The following SPEN variants were observed in gnomAD, a reference collection of about 807,000 sequenced individuals.
The protein encoded by SPEN is msx2-interacting protein.
A neutral mutation model predicts 269.9 loss-of-function variants in SPEN; 18 were observed. The ratio of observed to expected loss-of-function variants is 0.07; its 90% CI spans 0.05 to 0.10. The LOEUF (loss-of-function observed/expected upper bound fraction) is 0.10, where lower values mean the gene tolerates loss of function less well. Among genes scored for constraint, SPEN ranks in the 10% least tolerant of loss-of-function variants. The pLI is 1.00. For missense variants in SPEN, 3,822 were observed against 4,631.2 expected, an observed-to-expected ratio of 0.83 and a Z score of 5.07; for synonymous variants, 1,726 against 1,765.7, an observed-to-expected ratio of 0.98 and a Z score of 0.56.
chr1:15,931,377 G>T lies in SPEN; in HGVS notation c.5137G>T (p.Ala1713Ser), dbSNP rs565536353. Residue 1713 changes from alanine to serine, a missense_variant, in exon 11 of 15, where the codon GCC becomes TCC. Physicochemically the swap from Ala to Ser is moderately conservative, Grantham distance 99. Coordinates refer to ENST00000375759, the MANE Select transcript of SPEN (RefSeq NM_015001.3). The surrounding 1 kb of genome is among the most constrained non-coding windows in gnomAD (Gnocchi z 4.8). ...PPGADPDKEA[A>S]MMPAGVEEGS... ...AGGAGCAGACCCCGATAAAGAAGCT[G>T]CCATGATGCCTGCGGGTGTTGAGGA... 1 of 1,614,180 alleles carries T rather than the reference G, an allele frequency of 6.2e-7. No homozygotes were observed. The highest frequency in any genetic ancestry group is 1.1e-5 in the South Asian group (1 of 91,076).
At chr1:15,860,930 A>G (rs893322685) in intron 1 of SPEN, among the ~76,000 whole-genome samples, 38 of 149,204 alleles carry the variant, frequency 2.5e-4, no homozygotes, top group Admixed American at 1.1e-3. Flanking sequence ...TTTCTGAGAC[A>G]GTCTTACTCT....
chr1:15,850,099 C>CT (rs1203474150), intron 1 of SPEN, among the ~76,000 whole-genome samples: 2 of 152,070 alleles, frequency 1.3e-5, no homozygotes, highest in Non-Finnish European at 2.9e-5. Context: ...GACGGTGCTG[C>CT]GGTCTGGCTT....
In SPEN at chr1:15,872,948, A is replaced by G. The variant is rs762040993; in HGVS notation, c.216A>G (p.Arg72=). 1.2e-6 allele frequency: 2 copies of G among 1,611,162 alleles called. No homozygotes were observed. Among genetic ancestry groups the G allele is most frequent in the East Asian group, 4.5e-5 (2 of 44,824 alleles). Residue 72 remains arginine, a synonymous_variant, in exon 2 of 15, where the codon AGA becomes AGG. Transcript: ENST00000375759. ...ACTCGGTCAACAAAATGGGTGACAG[A>G]GACCTACGCACGGATTATAATGAAC... ...AHNSVNKMGD[R]DLRTDYNEPG... is the part of the protein sequence containing the mutation.
At position 15,876,217 on chromosome 1, in the gene SPEN, G is replaced by C; in HGVS notation, c.420G>C (p.Arg140Ser). Reference protein sequence around the residue: ...ERRLDGASDNRERAYEHSAYG... With the variant: ...ERRLDGASDNSERAYEHSAYG... Reference sequence around the variant, plus strand: ...CTAAATGCAGGGCTTCAGATAACAGGGAGCGTGCTTATGAACATAGTGCCT... The same window carrying C: ...CTAAATGCAGGGCTTCAGATAACAGCGAGCGTGCTTATGAACATAGTGCCT... Residue 140 changes from arginine (R) to serine (S), a missense_variant, in exon 3 of 15, where the codon AGG becomes AGC. By Grantham distance (110) the Arg-to-Ser change is moderately radical (BLOSUM62 -1). Coordinates refer to ENST00000375759, the MANE Select transcript of SPEN (RefSeq NM_015001.3). 1 of 1,611,446 alleles carries C rather than the reference G, an allele frequency of 6.2e-7. No individual in the cohort carries two copies. The highest frequency in any genetic ancestry group is 1.3e-5 in the African/African-American group (1 of 74,958).
intron 1 of SPEN, among the ~76,000 whole-genome samples, chr1:15,863,043 G>A (rs968891853): frequency 6.6e-6 from 1 of 152,092 alleles, no homozygotes; most frequent in African/African-American, 2.4e-5. Flanking sequence ...TTACAGGTGT[G>A]AGCCACCGCT....
intron 3 of SPEN, among the ~76,000 whole-genome samples, chr1:15,908,700 C>G (rs921109627): frequency 6.6e-6 from 1 of 152,186 alleles, no homozygotes; most frequent in Non-Finnish European, 1.5e-5. Context: ...AGGCGTGAGC[C>G]ACTGAGCCCC....
intron 1 of SPEN, among the ~76,000 whole-genome samples, chr1:15,861,222 C>T (rs1173836806): frequency 6.6e-6 from 1 of 150,796 alleles, no homozygotes; most frequent in Admixed American, 6.6e-5. Flanking sequence ...CATTCCACCT[C>T]CCGGGTTCAA....
rs760765413 is a variant in SPEN at position 15,930,506 on chromosome 1, C to T, written c.4266C>T (p.Leu1422=). ...EDKLRERDER[L]SSSLERNKFY... is the part of the protein sequence containing the mutation. Reference sequence around the variant, plus strand: ...AGCTACGTGAGCGAGATGAAAGACTCTCTAGTTCTTTAGAAAGGAACAAAT... The same window carrying T: ...AGCTACGTGAGCGAGATGAAAGACTTTCTAGTTCTTTAGAAAGGAACAAAT... The change falls in exon 11 of 15, where the codon CTC becomes CTT. Residue 1422 remains leucine, a synonymous_variant. Transcript: ENST00000375759. The surrounding 1 kb of genome is among the most constrained non-coding windows in gnomAD (Gnocchi z 5.3). The T allele has an allele frequency of 1.9e-6, 3 of 1,614,022 alleles. No homozygotes were observed. The African/African-American group carries it at 4.0e-5, about 22-fold the overall frequency.
chr1:15,864,708 C>G (rs925889668), intron 1 of SPEN, among the ~76,000 whole-genome samples: 1 of 148,800 alleles, frequency 6.7e-6, no homozygotes, highest in African/African-American at 2.5e-5. Flanking sequence ...CTACTGGGCT[C>G]GAGCTCCCGT....
At chr1:15,853,869 A>G (rs899818350) in intron 1 of SPEN, among the ~76,000 whole-genome samples, 2 of 151,306 alleles carry the variant, frequency 1.3e-5, no homozygotes, top group African/African-American at 2.4e-5. Context: ...GGGTTTCACT[A>G]TGTCGGCCAG....
intron 1 of SPEN, among the ~76,000 whole-genome samples, chr1:15,855,962 A>G (rs1400619489): frequency 6.8e-6 from 1 of 147,964 alleles, no homozygotes. Context: ...GTAATTTATT[A>G]CTTTATTGTG....
intron 1 of SPEN, among the ~76,000 whole-genome samples, chr1:15,851,951 C>G (rs2070340631): frequency 6.6e-6 from 1 of 151,940 alleles, no homozygotes; most frequent in Non-Finnish European, 1.5e-5. Context: ...CCACTGCACT[C>G]TAGCCTGGGG....
chr1:15,939,408 T>C lies in SPEN; in HGVS notation c.10976T>C (p.Ile3659Thr). Residue 3659 changes from isoleucine (I) to threonine (T), a missense_variant, in exon 15 of 15, where the codon ATT (isoleucine) becomes ACT (threonine). Coordinates refer to ENST00000375759, the MANE Select transcript of SPEN (RefSeq NM_015001.3). The surrounding 1 kb of genome is among the most constrained non-coding windows in gnomAD (Gnocchi z 4.1). ...SISNISPHLMIVIASV is the reference protein window; with the variant it reads ...SISNISPHLMTVIASV Reference sequence around the variant, plus strand: ...TCCAACATCTCTCCCCACCTCATGATTGTCATTGCCTCCGTGTGAGCCACT... The same window carrying C: ...TCCAACATCTCTCCCCACCTCATGACTGTCATTGCCTCCGTGTGAGCCACT... The C allele has an allele frequency of 6.2e-7, 1 of 1,601,858 alleles. No individual in the cohort carries two copies. Among genetic ancestry groups the C allele is most frequent in the Non-Finnish European group, 8.5e-7 (1 of 1,174,176 alleles).
Position 15,928,252 on chromosome 1 carries a change from C to T in SPEN, c.2012C>T (p.Ser671Leu), listed in dbSNP as rs1166673166. The part of the protein sequence containing the change: ...WETYQGDYYE[S>L]RYYDDPREYR... ...ACTTACCAAGGAGACTACTATGAATCACGATACTACGATGATCCTCGGGAA... is the reference window on the plus strand; with the variant it reads ...ACTTACCAAGGAGACTACTATGAATTACGATACTACGATGATCCTCGGGAA... The change falls in exon 11 of 15, where the codon TCA (serine) becomes TTA (leucine). Residue 671 changes from serine to leucine, a missense_variant. Coordinates refer to ENST00000375759, the MANE Select transcript of SPEN (RefSeq NM_015001.3). This position sits in a 1 kb window ranked among gnomAD's most constrained non-coding sequence, Gnocchi z 5.7. 6.2e-7 allele frequency: 1 copy of T among 1,614,088 alleles called. No homozygotes were observed. The highest frequency in any genetic ancestry group is 1.7e-5 in the Admixed American group (1 of 60,018).
At position 15,937,693 on chromosome 1, in the gene SPEN, A is replaced by G. The variant is rs749485852; in HGVS notation, c.10509+48A>G. 1.0e-4 allele frequency: 168 copies of G among 1,606,128 alleles called. No homozygotes were observed. Among genetic ancestry groups the G allele is most frequent in the Non-Finnish European group, 1.4e-4 (163 of 1,174,774 alleles). On this transcript the variant is annotated intron_variant, in intron 12 of 14. Transcript: ENST00000375759. The surrounding 1 kb of genome is among the most constrained non-coding windows in gnomAD (Gnocchi z 5.7). ...CTTCCTGGCCCCCAAGTTTTATGCC[A>G]TGTCAAATGTCCTAAGATTCCCTAG...
At chr1:15,917,192 T>G (rs918480723) in intron 6 of SPEN, among the ~76,000 whole-genome samples, 35 of 152,180 alleles carry the variant, frequency 2.3e-4, no homozygotes, top group Admixed American at 2.6e-4. Context: ...CAGAAATACC[T>G]TGGGGATTAC....
intron 3 of SPEN, among the ~76,000 whole-genome samples, chr1:15,901,301 T>C (rs925817704): frequency 6.8e-6 from 1 of 147,642 alleles, no homozygotes; most frequent in African/African-American, 2.5e-5. Context: ...AGCGAAAGAG[T>C]AGAGACTCTG....
At chr1:15,858,812 C>T (rs147103377) in intron 1 of SPEN, among the ~76,000 whole-genome samples, 5 of 152,164 alleles carry the variant, frequency 3.3e-5, no homozygotes, top group South Asian at 4.2e-4. Flanking sequence ...GGCACGATGG[C>T]GCACACCAGT....
In SPEN at chr1:15,922,232, T is replaced by C. The variant is rs1460499870; in HGVS notation, c.1750-17T>C. On this transcript the variant is annotated splice_polypyrimidine_tract_variant and intron_variant, in intron 9 of 14. Coordinates refer to ENST00000375759, the MANE Select transcript of SPEN (RefSeq NM_015001.3). ...AAATTTGAAACTTGCATCAAACACC[T>C]CTTTTTTTTTTTAAAGGTGGATTTT... is the stretch of plus-strand genomic sequence containing the variant. The C allele has an allele frequency of 2.0e-6, 3 of 1,515,664 alleles. No homozygotes were observed. The highest frequency in any genetic ancestry group is 2.7e-6 in the Non-Finnish European group (3 of 1,106,648). 93.9% of individuals were successfully genotyped at this position (1,515,664 alleles called of 1,614,324 possible).
Sources: gnomAD v4.1 joint callset for allele counts (sites outside exome capture counted in the v4.1 genomes callset) on GRCh38, gnomAD v4.1.1 for gene constraint, Gnocchi (gnomAD v3.1) non-coding constraint, MANE v1.5 for transcripts, NCBI Gene and HGNC (gene_info 2026-07-23, HGNC 2026-07-21) for gene names.